Variants in LNX1 observed in about 807,000 individuals in gnomAD.
The protein encoded by LNX1 is ligand of numb-protein X 1, also known as E3 ubiquitin-protein ligase LNX.
LNX1 carries 54 observed loss-of-function variants against 68.4 expected under a neutral mutation model. The observed-to-expected ratio is 0.79, with a 90% CI of 0.63 to 0.99. The LOEUF (loss-of-function observed/expected upper bound fraction) is 0.99. Ranked by LOEUF, LNX1 falls within the 50% of genes least tolerant of loss-of-function variation. The probability of loss-of-function intolerance (pLI) is 0.00; values close to 1 mark genes in which losing one functional copy is unlikely to be tolerated. For missense variants in LNX1, 906 were observed against 926.4 expected, an observed-to-expected ratio of 0.98 and a Z score of 0.29; for synonymous variants, 336 against 350.0, an observed-to-expected ratio of 0.96 and a Z score of 0.45.
intron 1 of LNX1, among the ~76,000 whole-genome samples, chr4:53,645,221 T>C (rs1734843773): frequency 6.6e-6 from 1 of 152,168 alleles, no homozygotes; most frequent in South Asian, 2.1e-4. Flanking sequence ...AAGGGCTCCT[T>C]TGGCAAGGGA....
chr4:53,551,206 T>C (rs1424012802), intron 2 of LNX1, among the ~76,000 whole-genome samples: 1 of 152,066 alleles, frequency 6.6e-6, no homozygotes, highest in Non-Finnish European at 1.5e-5. Flanking sequence ...CTTTTGGCAG[T>C]TTCTCCCCGA....
At chr4:53,561,596 ACT>A (rs2109739550) in intron 2 of LNX1, among the ~76,000 whole-genome samples, 1 of 152,262 alleles carries the variant, frequency 6.6e-6, no homozygotes, top group South Asian at 2.1e-4. Flanking sequence ...TCCTGAACAC[ACT>A]ACCCTGGATG....
chr4:53,533,167 A>C (rs920211065), intron 2 of LNX1, among the ~76,000 whole-genome samples: 2 of 152,160 alleles, frequency 1.3e-5, no homozygotes, highest in African/African-American at 4.8e-5. Context: ...ACTGAGCTTT[A>C]CCTTTTAAGA....
intron 2 of LNX1, among the ~76,000 whole-genome samples, chr4:53,533,104 AT>A (rs1218079734): frequency 8.5e-5 from 13 of 152,222 alleles, no homozygotes; most frequent in African/African-American, 3.1e-4. Flanking sequence ...AATTGTGTTT[AT>A]TTGGTTAATT....
upstream of LNX1, among the ~76,000 whole-genome samples, chr4:53,621,931 G>T (rs1262585924): frequency 6.7e-6 from 1 of 148,426 alleles, no homozygotes; most frequent in Non-Finnish European, 1.5e-5. Flanking sequence ...AATCCTGTAG[G>T]TCTCCCCCAC....
intron 7 of LNX1, among the ~76,000 whole-genome samples, chr4:53,481,373 G>T (rs1406180525): frequency 1.3e-5 from 2 of 152,142 alleles, no homozygotes; most frequent in East Asian, 3.8e-4. Context: ...CAGAAACCAG[G>T]CAAACTGCTT....
chr4:53,538,261 A>C (rs746294640), intron 2 of LNX1, among the ~76,000 whole-genome samples: 7 of 152,142 alleles, frequency 4.6e-5, no homozygotes, highest in Non-Finnish European at 1.0e-4. Context: ...ACCCCTTTCC[A>C]CTGGACTGCC....
At chr4:53,541,812 AT>A (rs1416473346) in intron 2 of LNX1, among the ~76,000 whole-genome samples, 8 of 152,234 alleles carry the variant, frequency 5.3e-5, no homozygotes, top group African/African-American at 1.9e-4. Flanking sequence ...AAACACTAAA[AT>A]AAAAATGTTT....
intron 1 of LNX1, among the ~76,000 whole-genome samples, chr4:53,649,818 G>A (rs1334950544): frequency 6.6e-6 from 1 of 152,174 alleles, no homozygotes; most frequent in Non-Finnish European, 1.5e-5. Flanking sequence ...TTGCTTGTCT[G>A]CTTCCCACAG....
chr4:53,544,719 G>A (rs1455908714), intron 2 of LNX1, among the ~76,000 whole-genome samples: 1 of 152,198 alleles, frequency 6.6e-6, no homozygotes, highest in East Asian at 1.9e-4. Flanking sequence ...TAGCAGAGAT[G>A]GACACGTAAG....
At chr4:53,561,314 G>A (rs1156382732) in intron 2 of LNX1, among the ~76,000 whole-genome samples, 2 of 151,844 alleles carry the variant, frequency 1.3e-5, no homozygotes, top group African/African-American at 2.4e-5. Context: ...TGCAACCTCC[G>A]CCTCCCAGGT....
intron 2 of LNX1, among the ~76,000 whole-genome samples, chr4:53,605,942 T>C (rs1733214088): frequency 6.6e-6 from 1 of 152,188 alleles, no homozygotes; most frequent in Admixed American, 6.5e-5. Flanking sequence ...GAAGAGGGAT[T>C]GCTGGGTCAT....
At chr4:53,526,109 G>GA (rs3067039) in intron 2 of LNX1, among the ~76,000 whole-genome samples, 6 of 151,872 alleles carry the variant, frequency 4.0e-5, no homozygotes, top group East Asian at 1.9e-4. Flanking sequence ...TTCTAGAAAA[G>GA]AAAAAATATT....
At chr4:53,533,704 G>C (rs1023866438) in intron 2 of LNX1, among the ~76,000 whole-genome samples, 1 of 152,182 alleles carries the variant, frequency 6.6e-6, no homozygotes, top group Non-Finnish European at 1.5e-5. Context: ...CCAGCCTGGA[G>C]ACATTTTTGA....
At chr4:53,489,658 T>C (rs1724551995) in intron 6 of LNX1, among the ~76,000 whole-genome samples, 1 of 152,182 alleles carries the variant, frequency 6.6e-6, no homozygotes, top group Non-Finnish European at 1.5e-5. Context: ...GCACATAATA[T>C]TCACTCATGA....
At chr4:53,480,929 A>G (rs1723870360) in intron 7 of LNX1, among the ~76,000 whole-genome samples, 1 of 152,228 alleles carries the variant, frequency 6.6e-6, no homozygotes, top group Non-Finnish European at 1.5e-5. Context: ...ACCAGAACTC[A>G]GGAGAGATGA....
intron 2 of LNX1, among the ~76,000 whole-genome samples, chr4:53,614,680 C>G (rs1733620947): frequency 1.3e-5 from 2 of 152,132 alleles, no homozygotes; most frequent in African/African-American, 2.4e-5. Flanking sequence ...AATAAGCAGC[C>G]AAGAATGCTA....
At chr4:53,518,145 G>A (rs1420067111) in intron 2 of LNX1, among the ~76,000 whole-genome samples, 1 of 152,190 alleles carries the variant, frequency 6.6e-6, no homozygotes, top group African/African-American at 2.4e-5. Flanking sequence ...AATCTGTCTT[G>A]GCTTGTCAGG....
chr4:53,628,829 C>G (rs749013209), intron 1 of LNX1, among the ~76,000 whole-genome samples: 5 of 151,918 alleles, frequency 3.3e-5, no homozygotes, highest in Non-Finnish European at 7.4e-5. Flanking sequence ...TTTACAATGA[C>G]TTGGACGAAG....
Sources: gnomAD v4.1 joint callset for allele counts (sites outside exome capture counted in the v4.1 genomes callset) on GRCh38, gnomAD v4.1.1 for gene constraint, MANE v1.5 for transcripts, NCBI Gene and HGNC (gene_info 2026-07-23, HGNC 2026-07-21) for gene names.